The following GCNT1 variants were observed in gnomAD, a reference collection of about 807,000 sequenced individuals.
The protein encoded by GCNT1 is beta-1,3-galactosyl-O-glycosyl-glycoprotein beta-1,6-N-acetylglucosaminyltransferase.
In GCNT1, 16 loss-of-function variants were observed where a neutral mutation model predicts 26.2. The ratio of observed to expected loss-of-function variants is 0.61; its 90% CI spans 0.41 to 0.93. GCNT1 has a LOEUF of 0.93. GCNT1 is among the 40% of genes least tolerant of loss of function. The pLI is 0.00. For synonymous variants in GCNT1, 183 were observed against 190.8 expected (o/e 0.96, Z 0.34); for missense variants, 477 against 526.7 (o/e 0.91, Z 0.92).
In GCNT1 at chr9:76,504,986, A is replaced by G. The variant is rs750924537; in HGVS notation, c.*1318A>G. On this transcript the variant is annotated 3_prime_UTR_variant, in exon 4 of 4. Transcript: ENST00000376730. ...TCTCCATCTTCACCATAAGACAGAT[A>G]ATTTGGGGTTGCTATAATGCTGTCA... 1.1e-4 allele frequency: 47 copies of G among 413,272 alleles called. No homozygotes were observed. The highest frequency in any genetic ancestry group is 1.5e-4 in the Non-Finnish European group (35 of 226,132). 25.6% of individuals were successfully genotyped at this position (413,272 alleles called of 1,614,324 possible).
At chr9:76,462,898 C>T (rs1366110946) in intron 2 of GCNT1, among the ~76,000 whole-genome samples, 1 of 151,888 alleles carries the variant, frequency 6.6e-6, no homozygotes, top group Admixed American at 6.6e-5. Context: ...TGTTAAATTT[C>T]ATAAAGTTTA....
chr9:76,424,279 G>C (rs1823233562), intron 1 of GCNT1, among the ~76,000 whole-genome samples: 1 of 152,202 alleles, frequency 6.6e-6, no homozygotes, highest in African/African-American at 2.4e-5. Flanking sequence ...TGGGGAAGCA[G>C]TCTGTGCAGC....
chr9:76,451,921 A>G (rs1031535728), intron 1 of GCNT1, among the ~76,000 whole-genome samples: 4 of 150,332 alleles, frequency 2.7e-5, no homozygotes, highest in African/African-American at 9.8e-5. Context: ...TCCTTATAGT[A>G]CAACTTTTCT....
At chr9:76,470,143 G>A (rs1406022496) in intron 2 of GCNT1, among the ~76,000 whole-genome samples, 1 of 152,020 alleles carries the variant, frequency 6.6e-6, no homozygotes, top group Non-Finnish European at 1.5e-5. Context: ...AAGTGTAAAT[G>A]TAACTGTATA....
At chr9:76,489,438 AACAAAGCTTCCACAGGCGT>A (rs919200369) in intron 2 of GCNT1, among the ~76,000 whole-genome samples, 3 of 152,160 alleles carry the variant, frequency 2.0e-5, no homozygotes, top group Non-Finnish European at 4.4e-5. Context: ...AGAGCAAAAG[AACAAAGCTTCCACAGGCGT>A]GGAAAGAGAC....
At chr9:76,396,222 A>G in the GCNT1 span, among the ~76,000 whole-genome samples, 1 of 152,220 alleles carries the variant, frequency 6.6e-6, no homozygotes, top group African/African-American at 2.4e-5. Flanking sequence ...TTAAGAATAG[A>G]GAAAATGCTA....
upstream of GCNT1, among the ~76,000 whole-genome samples, chr9:76,415,787 C>T (rs1394314098): frequency 6.6e-6 from 1 of 152,166 alleles, no homozygotes; most frequent in Admixed American, 6.5e-5. Flanking sequence ...CCCTCTATCC[C>T]CAGAAAACAC....
At chr9:76,483,402 G>GT (rs1824475449) in intron 2 of GCNT1, among the ~76,000 whole-genome samples, 1 of 132,356 alleles carries the variant, frequency 7.6e-6, no homozygotes, top group African/African-American at 2.7e-5. Context: ...ATTAAGGAGG[G>GT]GTTTTTTTTT....
At chr9:76,498,773 CAAA>C (rs1169273731) in intron 2 of GCNT1, among the ~76,000 whole-genome samples, 3 of 39,396 alleles carry the variant, frequency 7.6e-5, no homozygotes, top group Non-Finnish European at 6.8e-5. Context: ...AATTCCAGCT[CAAA>C]AAAAAAAAAA....
At position 76,490,088 on chromosome 9, in the gene GCNT1, C is replaced by T. The variant is rs140368917; in HGVS notation, c.-289-10828C>T. ...TAGAAAGGGGAGAAGTCATGTCCAC[C>T]AACTCCAGAGGTTGGTATAAGAGTT... On this transcript the variant is annotated intron_variant, in intron 2 of 3. Transcript: ENST00000376730. 4.5e-3 allele frequency among the ~76,000 whole-genome samples: 682 copies of T among 152,316 alleles called. 5 individuals are homozygous for T. Among genetic ancestry groups the T allele is most frequent in the African/African-American group, 0.016 (660 of 41,574 alleles).
intron 1 of GCNT1, among the ~76,000 whole-genome samples, chr9:76,446,552 C>T (rs530953470): frequency 1.3e-5 from 2 of 152,108 alleles, no homozygotes; most frequent in Non-Finnish European, 2.9e-5. Context: ...ACATTTTGAC[C>T]AAGCAATACC....
At chr9:76,472,740 TTTTC>T (rs1824162010) in intron 2 of GCNT1, among the ~76,000 whole-genome samples, 1 of 97,956 alleles carries the variant, frequency 1.0e-5, no homozygotes, top group Non-Finnish European at 1.8e-5. Context: ...TTTTCTTTTC[TTTTC>T]TTTTCTTTTT....
In GCNT1 at chr9:76,463,690, C is replaced by T. The variant is rs569286737; in HGVS notation, c.-290+3513C>T. ...CATCTGTTAGATGCCCGGCATTGCT[C>T]GCTCCAGGGCCACAGCTGTGAACAA... On this transcript the variant is annotated intron_variant, in intron 2 of 3. Coordinates refer to ENST00000376730, the MANE Select transcript of GCNT1 (RefSeq NM_001490.5). 1.9e-4 allele frequency among the ~76,000 whole-genome samples: 29 copies of T among 152,224 alleles called. No homozygotes were observed. The South Asian group carries it at 5.2e-3, about 27-fold the overall frequency.
At chr9:76,447,885 G>A (rs1384764788) in intron 1 of GCNT1, among the ~76,000 whole-genome samples, 1 of 147,648 alleles carries the variant, frequency 6.8e-6, no homozygotes, top group South Asian at 2.1e-4. Context: ...TTCCTTTGCT[G>A]TGCTGGATTC....
Position 76,492,898 on chromosome 9 carries a change from G to A in GCNT1, c.-289-8018G>A, listed in dbSNP as rs533132425. Among the ~76,000 whole-genome samples, 111 of 152,012 alleles carry A rather than the reference G, an allele frequency of 7.3e-4. 2 individuals carry two copies. In the South Asian group the frequency reaches 0.02, roughly 27 times the overall value. On this transcript the variant is annotated intron_variant, in intron 2 of 3. Transcript: ENST00000376730. Reference sequence around the variant, plus strand: ...CTCTTGGTCCCTATTATAGAATACCGAGGTTGCGAGGTTTAATAATGTCTC... The same window carrying A: ...CTCTTGGTCCCTATTATAGAATACCAAGGTTGCGAGGTTTAATAATGTCTC...
At chr9:76,467,981 A>G (rs112255503) in intron 2 of GCNT1, among the ~76,000 whole-genome samples, 1 of 127,888 alleles carries the variant, frequency 7.8e-6, no homozygotes, top group Non-Finnish European at 1.5e-5. Context: ...ATCTCAGGTC[A>G]CTGTAACCTC....
At position 76,506,727 on chromosome 9, in the gene GCNT1, A is replaced by C. The variant is rs1302822101; in HGVS notation, c.*3059A>C. 6.0e-6 allele frequency: 1 copy of C among 167,042 alleles called. No individual in the cohort carries two copies. Among genetic ancestry groups the C allele is most frequent in the Non-Finnish European group, 1.5e-5 (1 of 68,102 alleles). 10.3% of individuals were successfully genotyped at this position (167,042 alleles called of 1,614,324 possible). A position where few individuals can be genotyped will look rare whatever the true frequency, so the allele number is the denominator to read the frequency against. On this transcript the variant is annotated 3_prime_UTR_variant, in exon 4 of 4. Coordinates refer to ENST00000376730, the MANE Select transcript of GCNT1 (RefSeq NM_001490.5). ...CTCAGTAAACAGCCACTCAGCCTTGAAAATGGAGTGTTGTTGTTTCTAAAC... is the reference window on the plus strand; with the variant it reads ...CTCAGTAAACAGCCACTCAGCCTTGCAAATGGAGTGTTGTTGTTTCTAAAC...
intron 2 of GCNT1, among the ~76,000 whole-genome samples, chr9:76,494,000 A>G (rs1307915782): frequency 1.3e-5 from 2 of 152,048 alleles, no homozygotes; most frequent in Non-Finnish European, 2.9e-5. Context: ...ATGCATTTCA[A>G]GGGTGAGCCT....
intron 1 of GCNT1, among the ~76,000 whole-genome samples, chr9:76,435,251 C>A (rs1195870676): frequency 1.3e-5 from 2 of 152,060 alleles, no homozygotes; most frequent in Admixed American, 6.6e-5. Context: ...GCATCATGGA[C>A]CTACTGATAT....
Sources: gnomAD v4.1 joint callset for allele counts (sites outside exome capture counted in the v4.1 genomes callset) on GRCh38, gnomAD v4.1.1 for gene constraint, MANE v1.5 for transcripts, NCBI Gene and HGNC (gene_info 2026-07-23, HGNC 2026-07-21) for gene names.